The following MITF variants were observed in gnomAD, a reference collection of about 807,000 sequenced individuals.
MITF encodes the protein melanocyte inducing transcription factor.
Under a neutral mutation model 60.5 loss-of-function variants are expected in MITF, and 17 were observed. That is an observed-to-expected ratio of 0.28 (90% confidence interval 0.19 to 0.42). The LOEUF (loss-of-function observed/expected upper bound fraction) is 0.42. Among genes scored for constraint, MITF ranks in the 10% least tolerant of loss-of-function variants. The pLI is 1.00. For missense variants in MITF, 622 were observed against 683.5 expected, an observed-to-expected ratio of 0.91 and a Z score of 1.00; for synonymous variants, 260 against 248.5, an observed-to-expected ratio of 1.05 and a Z score of -0.43.
chr3:69,739,562 C>A lies in MITF; in HGVS notation c.-36C>A. ...TCCCTCCGCCCCCGGGCTCTGTTCT[C>A]ACTTTCCAGCAGTGGAAGGACGGGA... is the stretch of plus-strand genomic sequence containing the variant. On this transcript the variant is annotated 5_prime_UTR_variant, in exon 1 of 10. Coordinates refer to ENST00000352241, the MANE Select transcript of MITF (RefSeq NM_001354604.2). 6.5e-7 allele frequency: 1 copy of A among 1,534,628 alleles called. No individual in the cohort carries two copies. The highest frequency in any genetic ancestry group is 8.8e-7 in the Non-Finnish European group (1 of 1,130,076).
At chr3:69,917,297 G>C (rs2065356674) in intron 2 of MITF, among the ~76,000 whole-genome samples, 1 of 151,658 alleles carries the variant, frequency 6.6e-6, no homozygotes, top group Non-Finnish European at 1.5e-5. Context: ...TTGGGACTGG[G>C]AAATTCTTAG....
intron 1 of MITF, among the ~76,000 whole-genome samples, chr3:69,761,561 T>C (rs577071233): frequency 6.6e-6 from 1 of 152,206 alleles, no homozygotes; most frequent in Non-Finnish European, 1.5e-5. Flanking sequence ...ATGTTGATTT[T>C]TGAATGGAAA....
At chr3:69,831,355 G>A (rs2063444841) in intron 1 of MITF, among the ~76,000 whole-genome samples, 1 of 152,128 alleles carries the variant, frequency 6.6e-6, no homozygotes, top group African/African-American at 2.4e-5. Flanking sequence ...CTCTTTTTCT[G>A]TTCCTTTTTC....
At chr3:69,910,757 G>A (rs773971196) in intron 2 of MITF, among the ~76,000 whole-genome samples, 14 of 152,166 alleles carry the variant, frequency 9.2e-5, no homozygotes, top group Non-Finnish European at 1.8e-4. Flanking sequence ...TGGAACAGCT[G>A]TATTTACCCA....
intron 9 of MITF, among the ~76,000 whole-genome samples, chr3:69,962,157 A>G (rs1180153329): frequency 1.3e-5 from 2 of 152,246 alleles, no homozygotes; most frequent in African/African-American, 4.8e-5. Flanking sequence ...TGAAAAGACA[A>G]TCTGCCTGTG....
At chr3:69,959,682 T>C (rs2107539002) in intron 9 of MITF, among the ~76,000 whole-genome samples, 1 of 152,350 alleles carries the variant, frequency 6.6e-6, no homozygotes, top group Admixed American at 6.5e-5. Context: ...TGAGGTCGAA[T>C]GACCCTGCCT....
chr3:69,783,771 T>G (rs962871405), intron 1 of MITF, among the ~76,000 whole-genome samples: 1 of 152,184 alleles, frequency 6.6e-6, no homozygotes. Flanking sequence ...GTTACCTGTG[T>G]CAGGGTCACC....
chr3:69,947,245 T>G (rs1576024820), intron 5 of MITF, among the ~76,000 whole-genome samples: 1 of 152,200 alleles, frequency 6.6e-6, no homozygotes, highest in East Asian at 1.9e-4. Context: ...CATTCTTGGT[T>G]TGTTAAAACC....
intron 6 of MITF, among the ~76,000 whole-genome samples, chr3:69,950,799 G>T (rs1208141720): frequency 6.6e-6 from 1 of 151,882 alleles, no homozygotes; most frequent in Non-Finnish European, 1.5e-5. Context: ...GTTTTGTTTT[G>T]TTTTTAATTC....
chr3:69,891,987 C>A (rs1011916929), intron 2 of MITF, among the ~76,000 whole-genome samples: 1 of 152,184 alleles, frequency 6.6e-6, no homozygotes, highest in Non-Finnish European at 1.5e-5. Context: ...AAATGACTTG[C>A]TTTAGCACTG....
chr3:69,769,781 T>A (rs1439007624), intron 1 of MITF: 1 of 152,208 alleles, frequency 6.6e-6, no homozygotes, highest in Non-Finnish European at 1.5e-5. Flanking sequence ...GCCTTTTCTT[T>A]CTTTAAACTG....
chr3:69,879,533 TA>T, intron 2 of MITF, 150 bp downstream of exon 2: 2 of 1,382,040 alleles, frequency 1.4e-6, no homozygotes. Context: ...TACGTGGCTT[TA>T]TATTTTAAAA....
At chr3:69,761,121 A>C (rs371439186) in intron 1 of MITF, among the ~76,000 whole-genome samples, 1 of 152,150 alleles carries the variant, frequency 6.6e-6, no homozygotes, top group African/African-American at 2.4e-5. Context: ...TATCTTTTAT[A>C]TATTTCTATA....
At chr3:69,953,660 TATAGAGAGAGAGAG>T (rs2066320079) in intron 7 of MITF, among the ~76,000 whole-genome samples, 4 of 135,758 alleles carry the variant, frequency 2.9e-5, no homozygotes, top group African/African-American at 1.1e-4. Flanking sequence ...TATATATATA[TATAGAGAGAGAGAG>T]AGAGAGAGAG....
chr3:69,850,465 A>T (rs2063806338), intron 1 of MITF, among the ~76,000 whole-genome samples: 1 of 149,932 alleles, frequency 6.7e-6, no homozygotes, highest in Non-Finnish European at 1.5e-5. Flanking sequence ...GCTTGGGAAT[A>T]CATAGCATAC....
chr3:69,874,730 A>C (rs2064314483), intron 1 of MITF, among the ~76,000 whole-genome samples: 1 of 152,194 alleles, frequency 6.6e-6, no homozygotes, highest in African/African-American at 2.4e-5. Flanking sequence ...ACCAGTCCCT[A>C]TGAGATAGTA....
intron 7 of MITF, among the ~76,000 whole-genome samples, chr3:69,954,485 G>C (rs1344467760): frequency 6.6e-6 from 1 of 152,182 alleles, no homozygotes; most frequent in African/African-American, 2.4e-5. Context: ...GTCTACCTGA[G>C]GGAGGTGAGT....
chr3:69,785,887 C>T (rs1305272702), intron 1 of MITF, among the ~76,000 whole-genome samples: 1 of 152,086 alleles, frequency 6.6e-6, no homozygotes, highest in Admixed American at 6.5e-5. Flanking sequence ...CCAGGGTGAT[C>T]TGTACCGTGG....
chr3:69,929,191 G>A (rs529486704), intron 2 of MITF, among the ~76,000 whole-genome samples: 1 of 152,054 alleles, frequency 6.6e-6, no homozygotes, highest in Non-Finnish European at 1.5e-5. Context: ...ATCCATGCAC[G>A]CCAGCCACAG....
Sources: allele counts gnomAD v4.1 joint callset (sites outside exome capture counted in the v4.1 genomes callset), GRCh38; gene constraint gnomAD v4.1.1; transcripts MANE v1.5; gene names NCBI Gene and HGNC (gene_info 2026-07-23, HGNC 2026-07-21).